The following MITF variants were observed in gnomAD, a reference collection of about 807,000 sequenced individuals.
MITF encodes microphthalmia-associated transcription factor.
In MITF, 17 loss-of-function variants were observed where a neutral mutation model predicts 60.5. The observed-to-expected ratio is 0.28, with a 90% CI of 0.19 to 0.42. The LOEUF (loss-of-function observed/expected upper bound fraction) is 0.42, where lower values mean the gene tolerates loss of function less well. Among genes scored for constraint, MITF ranks in the 10% least tolerant of loss-of-function variants. The probability of loss-of-function intolerance (pLI) is 1.00; values close to 1 mark genes in which losing one functional copy is unlikely to be tolerated. For synonymous variants in MITF, 260 were observed against 248.5 expected, an observed-to-expected ratio of 1.05 and a Z score of -0.43; for missense variants, 622 against 683.5, an observed-to-expected ratio of 0.91 and a Z score of 1.00.
intron 1 of MITF, among the ~76,000 whole-genome samples, chr3:69,759,222 A>G (rs149338319): frequency 1.9e-3 from 284 of 152,294 alleles, no homozygotes; most frequent in African/African-American, 6.6e-3. Flanking sequence ...ATTATTTAAT[A>G]TATATTGTTG....
intron 2 of MITF, among the ~76,000 whole-genome samples, chr3:69,910,875 T>C (rs1383034728): frequency 1.3e-5 from 2 of 152,008 alleles, no homozygotes; most frequent in African/African-American, 4.8e-5. Context: ...TTTGGGTTAA[T>C]GCTGAAATGA....
At position 69,967,392 on chromosome 3, in the gene MITF, T is replaced by A. The variant is rs1217260421; in HGVS notation, c.*2144T>A. ...ATAGCATTGTCTATTTTTCTCTTCA[T>A]ATTTATATGGGGGGGAGGGCGCTGG... is the stretch of plus-strand genomic sequence containing the variant. On this transcript the variant is annotated 3_prime_UTR_variant, in exon 10 of 10. Coordinates refer to ENST00000352241, the MANE Select transcript of MITF (RefSeq NM_001354604.2). 4.3e-6 allele frequency: 1 copy of A among 232,396 alleles called. No individual in the cohort carries two copies. Among genetic ancestry groups the A allele is most frequent in the Non-Finnish European group, 8.5e-6 (1 of 117,312 alleles). 14.4% of individuals were successfully genotyped at this position (232,396 alleles called of 1,614,324 possible). A position where few individuals can be genotyped will look rare whatever the true frequency, so the allele number is the denominator to read the frequency against.
chr3:69,861,543 C>T (rs766672597), intron 1 of MITF, among the ~76,000 whole-genome samples: 8 of 152,110 alleles, frequency 5.3e-5, no homozygotes, highest in Non-Finnish European at 1.2e-4. Context: ...GGTCAGGAGG[C>T]GCCAGGCCAG....
chr3:69,879,300 C>A lies in MITF; in HGVS notation c.271C>A (p.Pro91Thr), dbSNP rs780520016. The A allele has an allele frequency of 6.2e-7, 1 of 1,614,196 alleles. No homozygotes were observed. Among genetic ancestry groups the A allele is most frequent in the South Asian group, 1.1e-5 (1 of 91,088 alleles). ...GGCCCAGTTCATGCAACAGAGAGTG[C>A]CCGTGAGTCAGACACCAGCCATAAA... ...QAAQFMQQRV[P>T]VSQTPAINVS... Residue 91 changes from proline to threonine, a missense_variant, in exon 2 of 10, where the codon CCC becomes ACC. Around this residue, in one of 5 missense-constraint regions of MITF, gnomAD observed 149 missense variants for 157.8 expected, o/e 0.94. Transcript: ENST00000352241.
At chr3:69,845,770 C>T (rs2107157482) in intron 1 of MITF, among the ~76,000 whole-genome samples, 1 of 152,228 alleles carries the variant, frequency 6.6e-6, no homozygotes, top group East Asian at 1.9e-4. Flanking sequence ...CATTGTTGGT[C>T]CACCACCCAA....
chr3:69,917,021 T>G (rs1295872946), intron 2 of MITF, among the ~76,000 whole-genome samples: 1 of 152,210 alleles, frequency 6.6e-6, no homozygotes, highest in African/African-American at 2.4e-5. Flanking sequence ...TAGTACATGT[T>G]GGACACTAAG....
rs1338435772 is a variant in MITF at position 69,966,799 on chromosome 3, C to A, written c.*1551C>A. On this transcript the variant is annotated 3_prime_UTR_variant, in exon 10 of 10. Transcript: ENST00000352241. ...TCAGTAGCAGCCTACAACTGAATAGCAAGTGGCATAAAGCATATCCATTCA... is the reference window on the plus strand; with the variant it reads ...TCAGTAGCAGCCTACAACTGAATAGAAAGTGGCATAAAGCATATCCATTCA... 1 of 232,646 alleles carries A rather than the reference C, an allele frequency of 4.3e-6. No homozygotes were observed. The highest frequency in any genetic ancestry group is 8.5e-6 in the Non-Finnish European group (1 of 117,576). 14.4% of individuals were successfully genotyped at this position (232,646 alleles called of 1,614,324 possible).
rs191497394 is a variant in MITF, at chr3:69,747,646, A to C, written c.104+7945A>C. Among the ~76,000 whole-genome samples, 6 of 152,352 alleles carry C rather than the reference A, an allele frequency of 3.9e-5. No homozygotes were observed. The East Asian group carries it at 1.2e-3, about 29-fold the overall frequency. On this transcript the variant is annotated intron_variant, in intron 1 of 9. Coordinates refer to ENST00000352241, the MANE Select transcript of MITF (RefSeq NM_001354604.2). The stretch of plus-strand genomic sequence containing the variant: ...AAGCACAGACATTAATCTTTGTTAT[A>C]AGTGTTTATAACTCAGTCTTAAATG...
chr3:69,820,525 A>C (rs2063252652), intron 1 of MITF, among the ~76,000 whole-genome samples: 1 of 152,180 alleles, frequency 6.6e-6, no homozygotes, highest in African/African-American at 2.4e-5. Flanking sequence ...CAGAGCTTAA[A>C]ATTTATTCTC....
At chr3:69,855,066 A>T (rs973018310) in intron 1 of MITF, among the ~76,000 whole-genome samples, 1 of 151,694 alleles carries the variant, frequency 6.6e-6, no homozygotes, top group African/African-American at 2.4e-5. Context: ...CAGCCCCCTC[A>T]TGTTGTAAGC....
rs530640567 is a variant in MITF, at chr3:69,967,423, A to G, written c.*2175A>G. The G allele has an allele frequency of 4.3e-6, 1 of 233,200 alleles. No individual in the cohort carries two copies. Among genetic ancestry groups the G allele is most frequent in the African/African-American group, 2.2e-5 (1 of 45,376 alleles). 14.4% of individuals were successfully genotyped at this position (233,200 alleles called of 1,614,324 possible). On this transcript the variant is annotated 3_prime_UTR_variant, in exon 10 of 10. Transcript: ENST00000352241. Reference sequence around the variant, plus strand: ...TATGGGGGGGAGGGCGCTGGATGCAAAAGTTGAAGATCGTGATGCTATGAT... The same window carrying G: ...TATGGGGGGGAGGGCGCTGGATGCAGAAGTTGAAGATCGTGATGCTATGAT...
chr3:69,846,915 C>T (rs1310416850), intron 1 of MITF, among the ~76,000 whole-genome samples: 1 of 151,872 alleles, frequency 6.6e-6, no homozygotes, highest in Non-Finnish European at 1.5e-5. Flanking sequence ...AGGAAGATGC[C>T]TAGTCCTGAA....
At chr3:69,871,103 G>A (rs2064227728) in intron 1 of MITF, among the ~76,000 whole-genome samples, 1 of 152,050 alleles carries the variant, frequency 6.6e-6, no homozygotes, top group Non-Finnish European at 1.5e-5. Context: ...ATAAACACTG[G>A]CTCCCTCTTT....
intron 2 of MITF, among the ~76,000 whole-genome samples, chr3:69,886,100 A>G (rs1481617192): frequency 2.6e-5 from 4 of 152,110 alleles, no homozygotes; most frequent in African/African-American, 9.7e-5. Flanking sequence ...CACTAGTGGT[A>G]ATACCTCTCC....
intron 1 of MITF, among the ~76,000 whole-genome samples, chr3:69,826,509 T>A (rs1287423449): frequency 6.6e-6 from 1 of 152,248 alleles, no homozygotes; most frequent in Non-Finnish European, 1.5e-5. Flanking sequence ...GCATTTACAG[T>A]GAGGCTATGA....
At chr3:69,906,863 G>A (rs1009355777) in intron 2 of MITF, among the ~76,000 whole-genome samples, 1 of 152,092 alleles carries the variant, frequency 6.6e-6, no homozygotes, top group Non-Finnish European at 1.5e-5. Context: ...AATGAAAATA[G>A]GAGCTGTCAA....
In MITF at chr3:69,955,641, C is replaced by G. The variant is rs140938367; in HGVS notation, c.956-814C>G. Among the ~76,000 whole-genome samples, 3 of 151,942 alleles carry G rather than the reference C, an allele frequency of 2.0e-5. No homozygotes were observed. The East Asian group carries it at 5.8e-4, about 30-fold the overall frequency. ...CCAACCTGGCCAACACAGTGAAACC[C>G]CCTTCTCTACTAAAAGTACAAAAAT... On this transcript the variant is annotated intron_variant, in intron 7 of 9. Coordinates refer to ENST00000352241, the MANE Select transcript of MITF (RefSeq NM_001354604.2).
chr3:69,805,926 A>G lies in MITF; in HGVS notation c.104+66225A>G, dbSNP rs11915335. 6.7e-3 allele frequency among the ~76,000 whole-genome samples: 1,015 copies of G among 152,144 alleles called. 8 individuals carry two copies. The highest frequency in any genetic ancestry group is 0.022 in the African/African-American group (908 of 41,530). ...TCCTCCTGCCTTGTTCTTCCAAAGTACTGGGATTATAGGTATGAGCCACCA... is the reference window on the plus strand; with the variant it reads ...TCCTCCTGCCTTGTTCTTCCAAAGTGCTGGGATTATAGGTATGAGCCACCA... On this transcript the variant is annotated intron_variant, in intron 1 of 9. Coordinates refer to ENST00000352241, the MANE Select transcript of MITF (RefSeq NM_001354604.2).
Position 69,939,225 on chromosome 3 carries a change from A to C in MITF, c.666+44A>C, listed in dbSNP as rs1384435803. ...GCCTGAGGATGAACACTTTGTAATG[A>C]GAATCTATATTTGTGGTGGATCACA... On this transcript the variant is annotated intron_variant, in intron 4 of 9. Transcript: ENST00000352241. The C allele has an allele frequency of 6.5e-6, 10 of 1,542,812 alleles. No individual in the cohort carries two copies. The Admixed American group carries it at 1.3e-4, about 21-fold the overall frequency.
Sources: allele counts gnomAD v4.1 joint callset (sites outside exome capture counted in the v4.1 genomes callset), GRCh38; gene constraint gnomAD v4.1.1; regional missense constraint gnomAD v4.1.1; transcripts MANE v1.5; gene names NCBI Gene and HGNC (gene_info 2026-07-23, HGNC 2026-07-21).